Variants in FOCAD observed in about 807,000 individuals in gnomAD.
FOCAD encodes the protein KIAA1797.
FOCAD carries 198 observed loss-of-function variants against 225.6 expected under a neutral mutation model. The observed-to-expected ratio is 0.88, with a 90% CI of 0.78 to 0.99. The LOEUF is 0.99. Among genes scored for constraint, FOCAD ranks in the 50% least tolerant of loss-of-function variants. The probability of loss-of-function intolerance (pLI) is 0.00; values close to 1 mark genes in which losing one functional copy is unlikely to be tolerated. For synonymous variants in FOCAD, 897 were observed against 755.0 expected (o/e 1.19, Z -3.08); for missense variants, 2,713 against 2,123.6 (o/e 1.28, Z -5.46).
At chr9:20,700,006 T>C (rs1823810394) in intron 1 of FOCAD, among the ~76,000 whole-genome samples, 1 of 151,554 alleles carries the variant, frequency 6.6e-6, no homozygotes, top group African/African-American at 2.4e-5. Flanking sequence ...TCCACGCTAA[T>C]ATGAAATGAT....
intron 35 of FOCAD, among the ~76,000 whole-genome samples, chr9:20,953,458 A>C (rs1460076220): frequency 6.6e-6 from 1 of 152,218 alleles, no homozygotes; most frequent in African/African-American, 2.4e-5. Flanking sequence ...TTCTCCCTGC[A>C]TCTTTTATAA....
chr9:20,776,950 A>G (rs1818817473), intron 8 of FOCAD, among the ~76,000 whole-genome samples: 1 of 152,218 alleles, frequency 6.6e-6, no homozygotes, highest in Admixed American at 6.5e-5. Flanking sequence ...TTCAAAATGC[A>G]TGTATTATCC....
At chr9:20,931,517 A>G (rs903533178) in intron 27 of FOCAD, among the ~76,000 whole-genome samples, 2 of 152,182 alleles carry the variant, frequency 1.3e-5, no homozygotes, top group African/African-American at 2.4e-5. Context: ...ATCTTTGGAG[A>G]AAGTTTAAAT....
At position 20,820,963 on chromosome 9, in the gene FOCAD, A is replaced by T. The variant is rs1273014007; in HGVS notation, c.1685A>T (p.Gln562Leu). Residue 562 changes from glutamine (Q) to leucine (L), a missense_variant, in exon 14 of 44, where the codon CAG (glutamine) becomes CTG (leucine). Gln to Leu is a moderately radical substitution (Grantham distance 113). Transcript: ENST00000338382. ...TAGGACCGAGTCTATCCTGAACTGC[A>T]GCGTTTCATGGCTGTGTCTGATGTA... is the stretch of plus-strand genomic sequence containing the variant. ...EKQDRVYPEL[Q>L]RFMAVSDVPS... The T allele has an allele frequency of 1.2e-6, 2 of 1,612,508 alleles. No individual in the cohort carries two copies. Among genetic ancestry groups the T allele is most frequent in the East Asian group, 2.2e-5 (1 of 44,846 alleles).
At chr9:20,804,134 G>T (rs1479446388) in intron 11 of FOCAD, among the ~76,000 whole-genome samples, 2 of 151,960 alleles carry the variant, frequency 1.3e-5, no homozygotes, top group Non-Finnish European at 2.9e-5. Context: ...AATTTTTTTT[G>T]TGTGTTCCTG....
chr9:20,831,984 A>G (rs1480908921), intron 15 of FOCAD, among the ~76,000 whole-genome samples: 1 of 152,070 alleles, frequency 6.6e-6, no homozygotes, highest in African/African-American at 2.4e-5. Context: ...TTCAATTGGC[A>G]TAATGTTTTC....
At chr9:20,949,464 T>C (rs1837486095) in intron 32 of FOCAD, 140 bp from the exon 33 acceptor site, 2 of 657,520 alleles carry the variant, frequency 3.0e-6, no homozygotes, top group African/African-American at 1.8e-5. Context: ...GAGGAGTTCA[T>C]AGCTTATGTA....
chr9:20,729,010 A>G (rs536342068), intron 4 of FOCAD, among the ~76,000 whole-genome samples: 129 of 152,280 alleles, frequency 8.5e-4, no homozygotes, highest in Non-Finnish European at 1.6e-3. Flanking sequence ...CTTGTATATG[A>G]GGCAGCCAGA....
In FOCAD at chr9:20,866,917, T is replaced by TTTTTTTTTTTTTAACAAAA; in HGVS notation, c.2107-12_2107-11insTTTTTTTTTTTTAACAAAA. 1 of 764,972 alleles carries TTTTTTTTTTTTTAACAAAA rather than the reference T, an allele frequency of 1.3e-6. No homozygotes were observed. The highest frequency in any genetic ancestry group is 2.0e-6 in the Non-Finnish European group (1 of 498,468). The allele number at this position is 764,972 out of a possible 1,614,324, so 47.4% of individuals were successfully genotyped here. A position where few individuals can be genotyped will look rare whatever the true frequency, so the allele number is the denominator to read the frequency against. On this transcript the variant is annotated splice_polypyrimidine_tract_variant and intron_variant, in intron 17 of 43. Transcript: ENST00000338382. The stretch of plus-strand genomic sequence containing the variant: ...TTTTTTTTTTTTTTTTTTTTTTTTT[T>TTTTTTTTTTTTTAACAAAA]ACCCTATCTAGGACCCAATTGTAGC...
intron 1 of FOCAD, among the ~76,000 whole-genome samples, chr9:20,710,068 A>G (rs796764842): frequency 4.6e-5 from 7 of 152,140 alleles, no homozygotes; most frequent in African/African-American, 1.7e-4. Flanking sequence ...GCATAGCCCC[A>G]CATCTTCTTC....
chr9:20,952,810 G>A (rs1179476711), intron 34 of FOCAD, among the ~76,000 whole-genome samples, 175 bp from the exon 35 acceptor site: 1 of 152,070 alleles, frequency 6.6e-6, no homozygotes, highest in Non-Finnish European at 1.5e-5. Flanking sequence ...ATTACTTCAA[G>A]GCCAGTCACT....
intron 24 of FOCAD, among the ~76,000 whole-genome samples, chr9:20,922,615 C>T (rs1834551048): frequency 6.6e-6 from 1 of 152,214 alleles, no homozygotes; most frequent in South Asian, 2.1e-4. Flanking sequence ...AGCTGAAAAT[C>T]TTCCTTATCC....
chr9:20,755,049 A>T (rs944656566), intron 5 of FOCAD, among the ~76,000 whole-genome samples: 2 of 152,218 alleles, frequency 1.3e-5, no homozygotes, highest in Non-Finnish European at 1.5e-5. Context: ...TAGTATACTT[A>T]GTTGAAATGG....
At chr9:20,885,365 G>T in intron 21 of FOCAD, 135 bp downstream of exon 21, 1 of 816,136 alleles carries the variant, frequency 1.2e-6, no homozygotes, top group East Asian at 3.5e-5. Context: ...CAAAATAGTT[G>T]ACCCAACTGA....
chr9:20,771,387 C>A (rs550417086), intron 8 of FOCAD, among the ~76,000 whole-genome samples: 1 of 152,076 alleles, frequency 6.6e-6, no homozygotes, highest in Non-Finnish European at 1.5e-5. Flanking sequence ...GGTTTGGGAC[C>A]GCACACCACT....
chr9:20,846,469 A>G (rs1827125064), intron 15 of FOCAD, among the ~76,000 whole-genome samples: 1 of 152,084 alleles, frequency 6.6e-6, no homozygotes, highest in South Asian at 2.1e-4. Flanking sequence ...CCCACTACGT[A>G]ATTGTGAGGA....
At chr9:20,674,486 T>A (rs1395456614) in intron 2 of FOCAD, among the ~76,000 whole-genome samples, 3 of 152,152 alleles carry the variant, frequency 2.0e-5, no homozygotes, top group Admixed American at 2.0e-4. Flanking sequence ...GGCCTGGATA[T>A]TATAAAGATG....
In FOCAD at chr9:20,782,693, T is replaced by C. The variant is rs149005041; in HGVS notation, c.1197+764T>C. Among the ~76,000 whole-genome samples the C allele has an allele frequency of 3.7e-3, 571 of 152,332 alleles. 4 individuals are homozygous for C. The highest frequency in any genetic ancestry group is 0.013 in the African/African-American group (547 of 41,588). On this transcript the variant is annotated intron_variant, in intron 10 of 43. Transcript: ENST00000338382. ...AAATGAGGATTGAATAAGATAAAGC[T>C]GGTGAAGCATCTTAAATCTCCATGA...
At chr9:20,914,395 A>C (rs1209036165) in intron 23 of FOCAD, among the ~76,000 whole-genome samples, 1 of 152,202 alleles carries the variant, frequency 6.6e-6, no homozygotes, top group Non-Finnish European at 1.5e-5. Context: ...AAGTTGATTC[A>C]TGGAAGAAAA....
Sources: allele counts gnomAD v4.1 joint callset (sites outside exome capture counted in the v4.1 genomes callset), GRCh38; gene constraint gnomAD v4.1.1; transcripts MANE v1.5; gene names NCBI Gene and HGNC (gene_info 2026-07-23, HGNC 2026-07-21).